The following NAA15 variants were observed in gnomAD, a reference collection of about 807,000 sequenced individuals.
The protein encoded by NAA15 is N-terminal acetyltransferase.
A neutral mutation model predicts 114.0 loss-of-function variants in NAA15; 34 were observed. The observed-to-expected ratio is 0.30, with a 90% CI of 0.23 to 0.40. The LOEUF (loss-of-function observed/expected upper bound fraction) is 0.40. Among genes scored for constraint, NAA15 ranks in the 10% least tolerant of loss-of-function variants. The pLI is 1.00. For missense variants in NAA15, 658 were observed against 1,004.5 expected, an observed-to-expected ratio of 0.66 and a Z score of 4.66; for synonymous variants, 340 against 338.0, an observed-to-expected ratio of 1.01 and a Z score of -0.06.
chr4:139,380,753 T>G (rs1748727725), intron 17 of NAA15, among the ~76,000 whole-genome samples: 1 of 152,184 alleles, frequency 6.6e-6, no homozygotes, highest in Non-Finnish European at 1.5e-5. Context: ...TTGGTAAAGA[T>G]CTGTCTCTTA....
chr4:139,333,832 T>C (rs1452829298), intron 1 of NAA15, among the ~76,000 whole-genome samples: 4 of 152,216 alleles, frequency 2.6e-5, no homozygotes, highest in Non-Finnish European at 2.9e-5. Flanking sequence ...CCCAGGTGGA[T>C]ATGGTCGCTG....
intron 14 of NAA15, among the ~76,000 whole-genome samples, chr4:139,365,334 G>A (rs1016302076): frequency 6.6e-6 from 1 of 151,870 alleles, no homozygotes; most frequent in Non-Finnish European, 1.5e-5. Context: ...CACCACATGC[G>A]GCCTACATTT....
At position 139,388,139 on chromosome 4, in the gene NAA15, T is replaced by G; in HGVS notation, c.*55T>G. On this transcript the variant is annotated 3_prime_UTR_variant, in exon 20 of 20. Transcript: ENST00000296543. ...TTGGACCATATCTAGTATATAATAT[T>G]TTTGTCACGCACCTGCTGCATTGCT... 6.7e-7 allele frequency: 1 copy of G among 1,485,798 alleles called. No homozygotes were observed. Among genetic ancestry groups the G allele is most frequent in the Non-Finnish European group, 9.3e-7 (1 of 1,077,840 alleles). 92.0% of individuals were successfully genotyped at this position (1,485,798 alleles called of 1,614,324 possible). A position where few individuals can be genotyped will look rare whatever the true frequency, so the allele number is the denominator to read the frequency against.
At chr4:139,320,959 T>C (rs1003426851) in intron 1 of NAA15, among the ~76,000 whole-genome samples, 3 of 152,214 alleles carry the variant, frequency 2.0e-5, no homozygotes, top group African/African-American at 7.2e-5. Flanking sequence ...CCACCTTCTT[T>C]TTATCCTCTG....
intron 6 of NAA15, among the ~76,000 whole-genome samples, chr4:139,348,640 A>G (rs1483934251): frequency 6.6e-6 from 1 of 152,198 alleles, no homozygotes; most frequent in Non-Finnish European, 1.5e-5. Context: ...GAATATTTGA[A>G]GCTTATATGG....
rs998231961 is a variant in NAA15 at position 139,317,535 on chromosome 4, C to T, written c.54+15704C>T. Among the ~76,000 whole-genome samples, 11 of 152,290 alleles carry T rather than the reference C, an allele frequency of 7.2e-5. 2 individuals carry two copies. Among genetic ancestry groups the T allele is most frequent in the Admixed American group, 7.2e-4 (11 of 15,298 alleles). On this transcript the variant is annotated intron_variant, in intron 1 of 19. Transcript: ENST00000296543. ...ACTCGGAAGGCTGAGGCAGGAGAAT[C>T]TCTTGAACCCGGGAGGCGGAGGTTA...
intron 14 of NAA15, among the ~76,000 whole-genome samples, chr4:139,369,857 T>C (rs1223788395): frequency 6.6e-6 from 1 of 151,786 alleles, no homozygotes. Flanking sequence ...TAGGCTGGAG[T>C]GTAGTGGTGT....
At chr4:139,309,426 AGT>A (rs70943412) in intron 1 of NAA15, among the ~76,000 whole-genome samples, 44,791 of 143,214 alleles carry the variant, frequency 0.31, 6,969 homozygotes, top group Middle Eastern at 0.42. Flanking sequence ...TTGCTTTTTA[AGT>A]GTGTGTGTGT....
intron 17 of NAA15, among the ~76,000 whole-genome samples, chr4:139,383,014 G>GT (rs1748795571): frequency 6.6e-6 from 1 of 152,124 alleles, no homozygotes; most frequent in African/African-American, 2.4e-5. Flanking sequence ...GTTGCACACA[G>GT]TAAGTGTTCT....
intron 2 of NAA15, among the ~76,000 whole-genome samples, chr4:139,336,226 C>G (rs1412044664): frequency 6.6e-6 from 1 of 152,130 alleles, no homozygotes; most frequent in Non-Finnish European, 1.5e-5. Context: ...TTCCTTTAGG[C>G]TTCATAGGAT....
intron 1 of NAA15, among the ~76,000 whole-genome samples, chr4:139,320,876 C>T (rs1746576529): frequency 1.3e-5 from 2 of 152,016 alleles, no homozygotes; most frequent in Admixed American, 6.6e-5. Flanking sequence ...GATCTTGACT[C>T]CTAGCTTCAA....
At chr4:139,339,190 A>G (rs1177497066) in intron 3 of NAA15, among the ~76,000 whole-genome samples, 1 of 152,094 alleles carries the variant, frequency 6.6e-6, no homozygotes, top group Non-Finnish European at 1.5e-5. Context: ...TTTTCTTTTG[A>G]GTGTGTTTTA....
chr4:139,340,832 T>A (rs1452587733), intron 3 of NAA15, 80 bp from the exon 4 acceptor site: 3 of 1,112,634 alleles, frequency 2.7e-6, no homozygotes, highest in Non-Finnish European at 3.7e-6. Flanking sequence ...TAAATGGCTG[T>A]GGTTCTCCAA....
chr4:139,367,495 C>A (rs1450299338), intron 14 of NAA15, among the ~76,000 whole-genome samples: 1 of 152,160 alleles, frequency 6.6e-6, no homozygotes, highest in Non-Finnish European at 1.5e-5. Flanking sequence ...GAATAAACAT[C>A]ATGAATCTTT....
Position 139,359,814 on chromosome 4 carries a change from T to C in NAA15, c.1329T>C (p.Phe443=), listed in dbSNP as rs375143288. 12 of 1,608,210 alleles carry C rather than the reference T, an allele frequency of 7.5e-6. No homozygotes were observed. The highest frequency in any genetic ancestry group is 1.0e-5 in the Non-Finnish European group (12 of 1,178,966). ...AGGCCTTGGACACAGCAGACAGATTTATCAACTCCAAATGTGCAAAATACA... is the reference window on the plus strand; with the variant it reads ...AGGCCTTGGACACAGCAGACAGATTCATCAACTCCAAATGTGCAAAATACA... The part of the protein sequence containing the change: ...EAQALDTADR[F]INSKCAKYML... The change falls in exon 12 of 20, where the codon TTT becomes TTC. Residue 443 remains phenylalanine (F), a synonymous_variant. Coordinates refer to ENST00000296543, the MANE Select transcript of NAA15 (RefSeq NM_057175.5).
chr4:139,309,010 G>A (rs1216406134), intron 1 of NAA15, among the ~76,000 whole-genome samples: 1 of 152,040 alleles, frequency 6.6e-6, no homozygotes, highest in Non-Finnish European at 1.5e-5. Flanking sequence ...TGTATATAAT[G>A]TGTATATAAT....
Position 139,386,182 on chromosome 4 carries a change from A to G in NAA15, c.2352A>G (p.Ile784Met). 1 of 1,611,498 alleles carries G rather than the reference A, an allele frequency of 6.2e-7. No individual in the cohort carries two copies. Among genetic ancestry groups the G allele is most frequent in the Non-Finnish European group, 8.5e-7 (1 of 1,178,662 alleles). Residue 784 changes from isoleucine to methionine, a missense_variant, in exon 19 of 20, where the codon ATA becomes ATG. Ile to Met is a conservative substitution (Grantham distance 10, BLOSUM62 1). This residue lies in a region of NAA15 where 275 missense variants were observed against 371.1 expected (regional missense o/e 0.74). Coordinates refer to ENST00000296543, the MANE Select transcript of NAA15 (RefSeq NM_057175.5). ...YLDPSSQKRA[I>M]ELATTLDESL... The stretch of plus-strand genomic sequence containing the variant: ...ATCCTTCTAGTCAGAAGCGAGCTAT[A>G]GAGTTGGCAACAACACTTGATGAAT...
chr4:139,310,268 A>G (rs1036570413), intron 1 of NAA15, among the ~76,000 whole-genome samples: 1 of 150,734 alleles, frequency 6.6e-6, no homozygotes, highest in African/African-American at 2.4e-5. Context: ...TCCTGGCTAA[A>G]ACGGTGAAAC....
chr4:139,301,738 G>A lies in NAA15; in HGVS notation c.-40G>A. On this transcript the variant is annotated 5_prime_UTR_variant, in exon 1 of 20. Transcript: ENST00000296543. ...CGGCGGTCGGACAAACTGACTGACC[G>A]AGCCGGGTGGTGGCGGGAGCAGCGG... 1 of 1,543,974 alleles carries A rather than the reference G, an allele frequency of 6.5e-7. No individual in the cohort carries two copies. The highest frequency in any genetic ancestry group is 8.8e-7 in the Non-Finnish European group (1 of 1,141,336).
Sources: allele counts gnomAD v4.1 joint callset (sites outside exome capture counted in the v4.1 genomes callset), GRCh38; gene constraint gnomAD v4.1.1; regional missense constraint gnomAD v4.1.1; transcripts MANE v1.5; gene names NCBI Gene and HGNC (gene_info 2026-07-23, HGNC 2026-07-21).